Variants in DOCK9 observed in about 807,000 individuals in gnomAD.
DOCK9 encodes dedicator of cytokinesis 9, also known as dedicator of cytokinesis protein 9.
In DOCK9, 89 loss-of-function variants were observed where a neutral mutation model predicts 263.3. The observed-to-expected ratio is 0.34, with a 90% CI of 0.28 to 0.40. The LOEUF (loss-of-function observed/expected upper bound fraction) is 0.40, where lower values mean the gene tolerates loss of function less well. Ranked by LOEUF, DOCK9 falls within the 10% of genes least tolerant of loss-of-function variation. The pLI is 1.00. For missense variants in DOCK9, 2,140 were observed against 2,603.4 expected, an observed-to-expected ratio of 0.82 and a Z score of 3.87; for synonymous variants, 976 against 973.1, an observed-to-expected ratio of 1.00 and a Z score of -0.06.
chr13:98,825,923 GC>G lies in DOCK9; in HGVS notation c.5023+906del. ...CTATGGCTGTGGGGGAGAAGGGGCG[GC>G]TCCCACTGGACTGCTTCTAAACATG... is the stretch of plus-strand genomic sequence containing the variant. On this transcript the variant is annotated intron_variant, in intron 44 of 52. Coordinates refer to ENST00000682017, the MANE Select transcript of DOCK9 (RefSeq NM_001366683.2). The surrounding 1 kb of genome is among the most constrained non-coding windows in gnomAD (Gnocchi z 4.1). 1 of 1,551,164 alleles carries G rather than the reference GC, an allele frequency of 6.4e-7. No individual in the cohort carries two copies. Among genetic ancestry groups the G allele is most frequent in the East Asian group, 2.4e-5 (1 of 40,840 alleles).
intron 32 of DOCK9, among the ~76,000 whole-genome samples, chr13:98,860,826 C>T (rs561553089): frequency 1.3e-5 from 2 of 152,106 alleles, no homozygotes; most frequent in Admixed American, 6.5e-5. Flanking sequence ...CTCGGACGCC[C>T]AACATTTCCT....
In DOCK9 at chr13:98,868,372, C is replaced by T; in HGVS notation, c.2949G>A (p.Leu983=). The T allele has an allele frequency of 6.2e-7, 1 of 1,609,694 alleles. No individual in the cohort carries two copies. The highest frequency in any genetic ancestry group is 8.5e-7 in the Non-Finnish European group (1 of 1,178,272). Reference sequence around the variant, plus strand: ...AGGATGCAGGAAATCTCTGGTTTCGCAGCAACTAAAAAGAATTCAGAGCAA... The same window carrying T: ...AGGATGCAGGAAATCTCTGGTTTCGTAGCAACTAAAAAGAATTCAGAGCAA... ...HLIENSKVKL[L]RNQRFPASYH... is the part of the protein sequence containing the mutation. Residue 983 remains leucine, a synonymous_variant, in exon 28 of 53, where the codon CTG becomes CTA. Transcript: ENST00000682017.
At chr13:99,016,253 A>G (rs1028306613) in intron 1 of DOCK9, among the ~76,000 whole-genome samples, 4 of 152,230 alleles carry the variant, frequency 2.6e-5, no homozygotes, top group African/African-American at 9.6e-5. Flanking sequence ...GCTGCTATGG[A>G]AACACATGCA....
At chr13:98,885,311 G>T (rs2045514517) in intron 20 of DOCK9, 1 of 651,622 alleles carries the variant, frequency 1.5e-6, no homozygotes. Context: ...TTATAAAAAT[G>T]TACATATGCA....
chr13:98,850,893 C>T (rs2093550336), intron 35 of DOCK9, among the ~76,000 whole-genome samples: 1 of 152,156 alleles, frequency 6.6e-6, no homozygotes, highest in Non-Finnish European at 1.5e-5. Context: ...TTATATTTTA[C>T]ACTGAGGTTG....
chr13:98,916,223 T>C (rs950562780), intron 7 of DOCK9, among the ~76,000 whole-genome samples: 6 of 152,200 alleles, frequency 3.9e-5, no homozygotes, highest in Non-Finnish European at 5.9e-5. Context: ...TTGTTGTGAG[T>C]GGCTGGTCCA....
chr13:99,065,531 C>G (rs1241096046), intron 1 of DOCK9, among the ~76,000 whole-genome samples: 1 of 152,204 alleles, frequency 6.6e-6, no homozygotes, highest in Non-Finnish European at 1.5e-5. Flanking sequence ...ACCTCTAACC[C>G]TCCATACATG....
chr13:98,989,340 G>GATAATA (rs1333284731), intron 1 of DOCK9, among the ~76,000 whole-genome samples: 8 of 127,736 alleles, frequency 6.3e-5, no homozygotes, highest in African/African-American at 2.4e-4. Context: ...TGATGATGAT[G>GATAATA]ATGATGATAA....
Position 98,880,474 on chromosome 13 carries a change from G to A in DOCK9, c.2871+73C>T, listed in dbSNP as rs867405801. 35 of 1,596,364 alleles carry A rather than the reference G, an allele frequency of 2.2e-5. No homozygotes were observed. In the Middle Eastern group the frequency reaches 3.1e-3, roughly 143 times the overall value. On this transcript the variant is annotated intron_variant, in intron 26 of 52. Transcript: ENST00000682017. Reference sequence around the variant, plus strand: ...GTCTCTAAGAGCACTCAGAAAGGCTGTATTGATCAGGCTGTGGAGTGAATT... The same window carrying A: ...GTCTCTAAGAGCACTCAGAAAGGCTATATTGATCAGGCTGTGGAGTGAATT...
intron 36 of DOCK9, 44 bp downstream of exon 36, chr13:98,850,003 C>A: frequency 1.4e-6 from 2 of 1,382,498 alleles, no homozygotes; most frequent in East Asian, 2.5e-5. Context: ...CTTAATGATC[C>A]AGGAAAAAAT....
Position 98,879,845 on chromosome 13 carries a change from G to A in DOCK9, c.2943+53C>T, listed in dbSNP as rs1219585753. 4.8e-6 allele frequency: 7 copies of A among 1,470,372 alleles called. No homozygotes were observed. The African/African-American group carries it at 8.5e-5, about 18-fold the overall frequency. 91.1% of individuals were successfully genotyped at this position (1,470,372 alleles called of 1,614,324 possible). On this transcript the variant is annotated intron_variant, in intron 27 of 52. Coordinates refer to ENST00000682017, the MANE Select transcript of DOCK9 (RefSeq NM_001366683.2). ...GAAGAAACGTTCACTACAAAGCAAT[G>A]AAAGAGATTTCTTTTCCCCTAAGAA... is the stretch of plus-strand genomic sequence containing the variant.
At chr13:99,085,923 G>A (rs1489347172) in intron 1 of DOCK9, among the ~76,000 whole-genome samples, 7 of 152,136 alleles carry the variant, frequency 4.6e-5, no homozygotes, top group Non-Finnish European at 8.8e-5. Flanking sequence ...AATTGGGAGA[G>A]AGCGGGGTGA....
At chr13:98,971,986 T>C (rs1428155741) in intron 1 of DOCK9, among the ~76,000 whole-genome samples, 4 of 152,232 alleles carry the variant, frequency 2.6e-5, no homozygotes, top group Non-Finnish European at 5.9e-5. Context: ...CTTTCTTGTT[T>C]ATTGTTACAG....
At chr13:99,040,061 T>C (rs1200384815) in intron 1 of DOCK9, among the ~76,000 whole-genome samples, 1 of 152,202 alleles carries the variant, frequency 6.6e-6, no homozygotes, top group African/African-American at 2.4e-5. Context: ...TAATCCTCAA[T>C]GTAATATTTG....
intron 1 of DOCK9, among the ~76,000 whole-genome samples, chr13:98,957,604 C>A (rs2058198571): frequency 6.7e-6 from 1 of 149,956 alleles, no homozygotes; most frequent in Non-Finnish European, 1.5e-5. Context: ...TAAGAATTGC[C>A]CAGAAAATTT....
intron 1 of DOCK9, among the ~76,000 whole-genome samples, chr13:98,955,957 G>T (rs1004049762): frequency 2.6e-5 from 4 of 152,212 alleles, no homozygotes; most frequent in Non-Finnish European, 5.9e-5. Context: ...CCTTGGCCCA[G>T]GGCCTAAATG....
At chr13:99,045,081 T>A (rs1888835110) in intron 1 of DOCK9, among the ~76,000 whole-genome samples, 1 of 152,190 alleles carries the variant, frequency 6.6e-6, no homozygotes, top group African/African-American at 2.4e-5. Context: ...GTGAAGCCAC[T>A]GTGGAAAACA....
chr13:99,087,820 C>G (rs1349959790), upstream of DOCK9: 1 of 152,318 alleles, frequency 6.6e-6, no homozygotes, highest in Non-Finnish European at 1.5e-5. Flanking sequence ...CGTTGCCTTC[C>G]GATGGACAGT....
In DOCK9 at chr13:98,829,161, C is replaced by G; in HGVS notation, c.4965+146G>C. On this transcript the variant is annotated intron_variant, in intron 43 of 52. Transcript: ENST00000682017. The surrounding 1 kb of genome is among the most constrained non-coding windows in gnomAD (Gnocchi z 4.1). ...AATGCTCAGCTAACTATGAAGTCAC[C>G]CTAAGCTTCATACTGTTTAAAGTTT... The G allele has an allele frequency of 1.4e-6, 1 of 706,930 alleles. No homozygotes were observed. Among genetic ancestry groups the G allele is most frequent in the Non-Finnish European group, 2.3e-6 (1 of 434,154 alleles). 43.8% of individuals were successfully genotyped at this position (706,930 alleles called of 1,614,324 possible).
Sources: allele counts gnomAD v4.1 joint callset (sites outside exome capture counted in the v4.1 genomes callset), GRCh38; gene constraint gnomAD v4.1.1; non-coding constraint Gnocchi (gnomAD v3.1); transcripts MANE v1.5; gene names NCBI Gene and HGNC (gene_info 2026-07-23, HGNC 2026-07-21).